Variants in MAP3K20 observed in about 807,000 individuals in gnomAD.
MAP3K20 encodes the protein mitogen-activated protein kinase kinase kinase 20.
Under a neutral mutation model 85.7 loss-of-function variants are expected in MAP3K20, and 40 were observed. That is an observed-to-expected ratio of 0.47 (90% CI 0.36 to 0.61). The LOEUF is 0.61. Among genes scored for constraint, MAP3K20 ranks in the 20% least tolerant of loss-of-function variants. The pLI is 0.00. For missense variants in MAP3K20, 817 were observed against 961.7 expected (o/e 0.85, Z 1.99); for synonymous variants, 325 against 327.7 (o/e 0.99, Z 0.09).
chr2:173,221,739 ATT>A, intron 11 of MAP3K20: 1 of 1,268,114 alleles, frequency 7.9e-7, no homozygotes, highest in Non-Finnish European at 1.0e-6. Context: ...AAAGAAGTAT[ATT>A]TATGAATCAG....
intron 2 of MAP3K20, among the ~76,000 whole-genome samples, chr2:173,127,312 CCTTCT>C (rs1688472328): frequency 6.6e-6 from 1 of 151,996 alleles, no homozygotes; most frequent in African/African-American, 2.4e-5. Context: ...ACTGCTCTGC[CCTTCT>C]CTTAAGACTT....
At chr2:173,114,744 C>T (rs1688069600) in intron 2 of MAP3K20, among the ~76,000 whole-genome samples, 1 of 152,174 alleles carries the variant, frequency 6.6e-6, no homozygotes, top group South Asian at 2.1e-4. Flanking sequence ...ATCTCTTCTT[C>T]TAGCTTGTAG....
intron 2 of MAP3K20, among the ~76,000 whole-genome samples, chr2:173,130,454 C>G (rs908251274): frequency 6.6e-6 from 1 of 152,126 alleles, no homozygotes; most frequent in Non-Finnish European, 1.5e-5. Flanking sequence ...TATTTTTATG[C>G]TATCAAGGAG....
intron 2 of MAP3K20, among the ~76,000 whole-genome samples, chr2:173,168,208 T>C (rs919760238): frequency 6.6e-6 from 1 of 152,104 alleles, no homozygotes; most frequent in African/African-American, 2.4e-5. Flanking sequence ...ATCTTCTTCC[T>C]AGTTGAGAAA....
At chr2:173,167,941 A>G (rs192838960) in intron 2 of MAP3K20, among the ~76,000 whole-genome samples, 215 of 152,340 alleles carry the variant, frequency 1.4e-3, no homozygotes, top group African/African-American at 5.0e-3. Context: ...TGGTTCAAAC[A>G]TTAACTCTAT....
In MAP3K20 at chr2:173,266,646, G is replaced by A. The variant is rs1280399887; in HGVS notation, c.2299G>A (p.Gly767Ser). Reference sequence around the variant, plus strand: ...AGAGGACAGCAAAGTCAGCGAAGGGGGCTGGACAAAAGTGGAATACCGGAA... The same window carrying A: ...AGAGGACAGCAAAGTCAGCGAAGGGAGCTGGACAAAAGTGGAATACCGGAA... Reference protein sequence around the residue: ...SEEDSKVSEGGWTKVEYRKKP... With the variant: ...SEEDSKVSEGSWTKVEYRKKP... The change falls in exon 20 of 20, where the codon GGC (glycine) becomes AGC (serine). Residue 767 changes from glycine to serine, a missense_variant. Gly to Ser is a moderately conservative substitution (Grantham distance 56). This residue lies in a region of MAP3K20 where 454 missense variants were observed against 476.9 expected (regional missense o/e 0.95). Coordinates refer to ENST00000375213, the MANE Select transcript of MAP3K20 (RefSeq NM_016653.3). The A allele has an allele frequency of 1.2e-6, 2 of 1,613,556 alleles. No individual in the cohort carries two copies. The highest frequency in any genetic ancestry group is 1.7e-6 in the Non-Finnish European group (2 of 1,179,808).
At chr2:173,179,714 A>G (rs1574083155) in intron 3 of MAP3K20, among the ~76,000 whole-genome samples, 1 of 151,176 alleles carries the variant, frequency 6.6e-6, no homozygotes, top group East Asian at 1.9e-4. Flanking sequence ...GCACACACAC[A>G]CACACACACA....
At chr2:173,133,990 C>CAA (rs71403354) in intron 2 of MAP3K20, among the ~76,000 whole-genome samples, 41,764 of 126,354 alleles carry the variant, frequency 0.33, 7,278 homozygotes, top group Non-Finnish European at 0.41. Context: ...TATTCCATCT[C>CAA]AAAAAACAAA....
intron 2 of MAP3K20, among the ~76,000 whole-genome samples, chr2:173,110,614 T>C (rs1203927634): frequency 2.6e-5 from 4 of 151,960 alleles, no homozygotes; most frequent in Non-Finnish European, 5.9e-5. Context: ...CATTGCATCA[T>C]TCTTATGCAT....
chr2:173,248,100 C>T (rs184286950), intron 16 of MAP3K20, among the ~76,000 whole-genome samples: 13 of 152,278 alleles, frequency 8.5e-5, no homozygotes, highest in African/African-American at 2.4e-4. Flanking sequence ...GGCAGATAAG[C>T]TCCTGGGGCG....
At chr2:173,097,033 G>C (rs933263337) in intron 2 of MAP3K20, among the ~76,000 whole-genome samples, 1 of 152,172 alleles carries the variant, frequency 6.6e-6, no homozygotes, top group Non-Finnish European at 1.5e-5. Flanking sequence ...ACTGCCCAGA[G>C]GAGAACACTC....
At chr2:173,264,171 G>A (rs993230054) in intron 19 of MAP3K20, among the ~76,000 whole-genome samples, 3 of 152,212 alleles carry the variant, frequency 2.0e-5, no homozygotes, top group Non-Finnish European at 2.9e-5. Flanking sequence ...CTGGGGATAG[G>A]AGCTGCAGTC....
chr2:173,156,980 C>A (rs951915069), intron 2 of MAP3K20, among the ~76,000 whole-genome samples: 1 of 152,168 alleles, frequency 6.6e-6, no homozygotes, highest in African/African-American at 2.4e-5. Flanking sequence ...TTGAGATACA[C>A]TATAAAATAC....
At position 173,183,184 on chromosome 2, in the gene MAP3K20, C is replaced by T. The variant is rs775170721; in HGVS notation, c.349+229C>T. On this transcript the variant is annotated intron_variant, in intron 4 of 19. Coordinates refer to ENST00000375213, the MANE Select transcript of MAP3K20 (RefSeq NM_016653.3). ...TAAGACTCTACTTTATTTCTATCCA[C>T]GAAATCTAGTTGTAGCTTCAGGGCA... Among the ~76,000 whole-genome samples, 8 of 152,220 alleles carry T rather than the reference C, an allele frequency of 5.3e-5. No individual in the cohort carries two copies. In the East Asian group the frequency reaches 7.7e-4, roughly 15 times the overall value.
At chr2:173,104,788 T>A (rs1197098773) in intron 2 of MAP3K20, among the ~76,000 whole-genome samples, 1 of 151,632 alleles carries the variant, frequency 6.6e-6, no homozygotes. Context: ...GGAGCTAGGG[T>A]TCAAATTTCA....
Position 173,266,159 on chromosome 2 carries a change from C to T in MAP3K20, c.1812C>T (p.His604=), listed in dbSNP as rs751807119. The T allele has an allele frequency of 2.4e-5, 38 of 1,613,940 alleles. No homozygotes were observed. The highest frequency in any genetic ancestry group is 1.1e-4 in the African/African-American group (8 of 74,922). Residue 604 remains histidine (H), a synonymous_variant, in exon 20 of 20, where the codon CAC becomes CAT. Coordinates refer to ENST00000375213, the MANE Select transcript of MAP3K20 (RefSeq NM_016653.3). The part of the protein sequence containing the change: ...NPILGSPFFS[H]FDGQDSYAAA... ...TTCTGGGGTCACCGTTCTTCTCACA[C>T]TTTGATGGCCAGGATTCCTACGCTG...
chr2:173,152,771 A>G (rs559715576), intron 2 of MAP3K20, among the ~76,000 whole-genome samples: 1 of 152,278 alleles, frequency 6.6e-6, no homozygotes, highest in Admixed American at 6.5e-5. Context: ...ACGTAGGTCA[A>G]CTCTAGTAAT....
At chr2:173,215,540 T>G (rs1406647750) in intron 10 of MAP3K20, 2 of 152,354 alleles carry the variant, frequency 1.3e-5, no homozygotes, top group East Asian at 3.9e-4. Flanking sequence ...GTAATGGGAC[T>G]TATAGCCTTT....
intron 2 of MAP3K20, among the ~76,000 whole-genome samples, chr2:173,109,339 A>G (rs140025368): frequency 2.0e-5 from 3 of 152,344 alleles, no homozygotes; most frequent in African/African-American, 7.2e-5. Context: ...GCCTTTGTTT[A>G]TAGCTCTCTC....
Sources: allele counts gnomAD v4.1 joint callset (sites outside exome capture counted in the v4.1 genomes callset), GRCh38; gene constraint gnomAD v4.1.1; regional missense constraint gnomAD v4.1.1; transcripts MANE v1.5; gene names NCBI Gene and HGNC (gene_info 2026-07-23, HGNC 2026-07-21).